TRIM64B: variants seen among roughly 807,000 people sequenced by gnomAD.
TRIM64B encodes tripartite motif containing 64B.
For synonymous variants in TRIM64B, 17 were observed against 190.3 expected, an observed-to-expected ratio of 0.09 and a Z score of 7.50; for missense variants, 57 against 536.4, an observed-to-expected ratio of 0.11 and a Z score of 8.83.
upstream of TRIM64B, among the ~76,000 whole-genome samples, chr11:89,876,685 G>A (rs1950166825): frequency 6.9e-6 from 1 of 145,446 alleles, no homozygotes; most frequent in African/African-American, 2.5e-5. Context: ...TCGCACCACT[G>A]CACTCCAGCA....
chr11:89,877,683 G>T (rs1327917842), upstream of TRIM64B, among the ~76,000 whole-genome samples: 1 of 148,958 alleles, frequency 6.7e-6, no homozygotes, highest in East Asian at 2.0e-4. Context: ...GCAGTGGCAC[G>T]ATCTCAGCTT....
intron 3 of TRIM64B, 138 bp downstream of exon 4, chr11:89,873,911 G>A (rs1950136858): frequency 3.2e-6 from 2 of 625,988 alleles, no homozygotes; most frequent in South Asian, 1.8e-5. Context: ...TACGTGAATG[G>A]AGAAGTGTAA....
At chr11:89,874,771 TC>T (rs1950146503) in intron 2 of TRIM64B, among the ~76,000 whole-genome samples, 1 of 145,010 alleles carries the variant, frequency 6.9e-6, no homozygotes, top group Admixed American at 7.0e-5. Flanking sequence ...AGAATACACA[TC>T]ATGCCGTTTA....
chr11:89,872,491 C>T (rs1186930597), intron 4 of TRIM64B, among the ~76,000 whole-genome samples, 179 bp from the exon 6 acceptor site: 2 of 151,894 alleles, frequency 1.3e-5, no homozygotes, highest in African/African-American at 4.9e-5. Flanking sequence ...CTAAACTTTG[C>T]TTCCATAAAA....
chr11:89,877,823 T>C (rs1950174861), upstream of TRIM64B, among the ~76,000 whole-genome samples: 1 of 149,460 alleles, frequency 6.7e-6, no homozygotes, highest in African/African-American at 2.4e-5. Context: ...GGTTTCACCA[T>C]GTTGGCCAGG....
At chr11:89,872,675 A>G (rs1197318907) in intron 4 of TRIM64B, among the ~76,000 whole-genome samples, 1 of 151,816 alleles carries the variant, frequency 6.6e-6, no homozygotes, top group Non-Finnish European at 1.5e-5. Flanking sequence ...TGCAGTTGTC[A>G]CTAATGCTAG....
At chr11:89,877,140 C>T (rs1373837791), upstream of TRIM64B, among the ~76,000 whole-genome samples, 2 of 121,050 alleles carry the variant, frequency 1.7e-5, no homozygotes, top group African/African-American at 6.0e-5. Context: ...ATGAAGTTTG[C>T]TCAGACAATT....
rs1950107658 is a variant in TRIM64B, at chr11:89,871,484, GTATT to G, written c.857-374_857-371del. 1.4e-4 allele frequency among the ~76,000 whole-genome samples: 21 copies of G among 151,970 alleles called. No individual in the cohort carries two copies. The South Asian group carries it at 4.4e-3, about 32-fold the overall frequency. On this transcript the variant is annotated intron_variant, in intron 5 of 5. Transcript: ENST00000329862. ...TAGACATCAATTTGCTGTGATGTGA[GTATT>G]TATTGGAATGTAAGTTATGCCTGTT...
chr11:89,872,634 A>G (rs1411473710), intron 4 of TRIM64B, among the ~76,000 whole-genome samples: 4 of 151,828 alleles, frequency 2.6e-5, no homozygotes, highest in Admixed American at 1.3e-4. Context: ...GAGAGCAGAA[A>G]ACTCAGACAA....
upstream of TRIM64B, among the ~76,000 whole-genome samples, chr11:89,877,580 A>G (rs1411139701): frequency 1.4e-5 from 2 of 145,442 alleles, no homozygotes; most frequent in Non-Finnish European, 3.1e-5. Flanking sequence ...AGATCTATTG[A>G]TCTATTTTCT....
chr11:89,872,767 G>A (rs746962827), intron 4 of TRIM64B, among the ~76,000 whole-genome samples: 4 of 151,772 alleles, frequency 2.6e-5, no homozygotes, highest in Non-Finnish European at 5.9e-5. Context: ...TCCAGCCTGA[G>A]AACCCTGCTG....
At chr11:89,877,609 CTTTT>C (rs1280189775), upstream of TRIM64B, among the ~76,000 whole-genome samples, 1 of 141,474 alleles carries the variant, frequency 7.1e-6, no homozygotes, top group African/African-American at 2.6e-5. Context: ...TTTTCTTTTT[CTTTT>C]TTTTTTTTTT....
At chr11:89,872,500 A>G (rs1263266849) in intron 4 of TRIM64B, among the ~76,000 whole-genome samples, 188 bp from the exon 6 acceptor site, 1 of 151,502 alleles carries the variant, frequency 6.6e-6, no homozygotes, top group Non-Finnish European at 1.5e-5. Flanking sequence ...GCTTCCATAA[A>G]AACCCAATTT....
intron 1 of TRIM64B, among the ~76,000 whole-genome samples, chr11:89,875,323 C>T (rs1416558465): frequency 2.0e-5 from 3 of 152,400 alleles, no homozygotes; most frequent in East Asian, 1.9e-4. Flanking sequence ...TTTCAGATAA[C>T]CTGACTTTGA....
chr11:89,870,897 T>C (rs1172736353), exon 6 of TRIM64B: 1 of 1,551,536 alleles, frequency 6.4e-7, no homozygotes, highest in East Asian at 2.5e-5. Flanking sequence ...TCCTGGAATC[T>C]CGACAGACTC....
upstream of TRIM64B, among the ~76,000 whole-genome samples, chr11:89,876,794 A>C (rs1214493157): frequency 6.7e-6 from 1 of 149,418 alleles, no homozygotes; most frequent in African/African-American, 2.4e-5. Flanking sequence ...TTTATCTGAG[A>C]TTAGTTGAAT....
At chr11:89,872,802 C>T (rs1408539502) in intron 4 of TRIM64B, among the ~76,000 whole-genome samples, 6 of 151,880 alleles carry the variant, frequency 4.0e-5, no homozygotes, top group Admixed American at 1.3e-4. Flanking sequence ...GCAACCATTT[C>T]CCTGAGGTCT....
intron 3 of TRIM64B, among the ~76,000 whole-genome samples, chr11:89,873,773 AGAG>A (rs1245533901): frequency 1.9e-5 from 2 of 105,904 alleles, no homozygotes; most frequent in Non-Finnish European, 3.8e-5. Context: ...CCCCTGGCCT[AGAG>A]TTCTAACGAT....
At chr11:89,871,501 A>T (rs1950107991) in intron 5 of TRIM64B, among the ~76,000 whole-genome samples, 2 of 151,858 alleles carry the variant, frequency 1.3e-5, no homozygotes, top group Admixed American at 6.6e-5. Flanking sequence ...TTGGAATGTA[A>T]GTTATGCCTG....
Sources: allele counts gnomAD v4.1 joint callset (sites outside exome capture counted in the v4.1 genomes callset), GRCh38; gene constraint gnomAD v4.1.1; transcripts MANE v1.5; gene names NCBI Gene and HGNC (gene_info 2026-07-23, HGNC 2026-07-21).